NMT1: variants seen among roughly 807,000 people sequenced by gnomAD.
NMT1 encodes glycylpeptide N-tetradecanoyltransferase 1.
Under a neutral mutation model 63.4 loss-of-function variants are expected in NMT1, and 12 were observed. The observed-to-expected ratio is 0.19, with a 90% CI of 0.12 to 0.31. The LOEUF is 0.31. Ranked by LOEUF, NMT1 falls within the 10% of genes least tolerant of loss-of-function variation. The pLI is 1.00. For synonymous variants in NMT1, 228 were observed against 234.3 expected (o/e 0.97, Z 0.25); for missense variants, 432 against 634.6 (o/e 0.68, Z 3.43).
chr17:45,100,997 T>C (rs887366625), intron 8 of NMT1, among the ~76,000 whole-genome samples: 18 of 138,598 alleles, frequency 1.3e-4, no homozygotes, highest in East Asian at 2.4e-4. Context: ...CTGGCTAACA[T>C]GGTGAAACCC....
At chr17:45,091,641 T>G (rs1490629739) in intron 3 of NMT1, among the ~76,000 whole-genome samples, 1 of 152,200 alleles carries the variant, frequency 6.6e-6, no homozygotes, top group Non-Finnish European at 1.5e-5. Flanking sequence ...GCCCTCAGTT[T>G]TGTAGGCTCA....
chr17:45,085,369 G>T (rs1045226583), intron 2 of NMT1, among the ~76,000 whole-genome samples: 7 of 152,208 alleles, frequency 4.6e-5, no homozygotes, highest in African/African-American at 1.7e-4. Context: ...AGTGGACTTG[G>T]TAGAATGGGT....
At chr17:45,095,810 G>A (rs150264594) in intron 4 of NMT1, among the ~76,000 whole-genome samples, 1 of 152,100 alleles carries the variant, frequency 6.6e-6, no homozygotes, top group African/African-American at 2.4e-5. Context: ...GGGCCAGATG[G>A]TAAAAAATCA....
intron 3 of NMT1, among the ~76,000 whole-genome samples, chr17:45,092,603 G>A (rs1056805908): frequency 2.6e-5 from 4 of 151,328 alleles, no homozygotes; most frequent in Non-Finnish European, 4.4e-5. Flanking sequence ...CCAGCCACTC[G>A]GGAGTCTGAG....
Position 45,081,630 on chromosome 17 carries a change from A to C in NMT1, c.132-14A>C. On this transcript the variant is annotated splice_polypyrimidine_tract_variant and intron_variant, in intron 1 of 11. Coordinates refer to ENST00000258960, the MANE Select transcript of NMT1 (RefSeq NM_021079.5). ...TTTTTTAAACCCTGCATTAGTATTT[A>C]CTTTTTGTTACAGTGGTTTGAGTCC... The C allele has an allele frequency of 6.2e-7, 1 of 1,603,960 alleles. No individual in the cohort carries two copies.
At chr17:45,100,891 A>AG (rs2054158575) in intron 8 of NMT1, among the ~76,000 whole-genome samples, 1 of 116,270 alleles carries the variant, frequency 8.6e-6, no homozygotes, top group Admixed American at 9.0e-5. Flanking sequence ...AAAAAAAAAA[A>AG]AAAAAGAAGG....
rs559084640 is a variant in NMT1 at position 45,063,458 on chromosome 17, T to C, written c.131+1998T>C. On this transcript the variant is annotated intron_variant, in intron 1 of 11. Transcript: ENST00000258960. ...AGATGAGAGTTGGTGAATGTGAAAG[T>C]CATTCCAGAAGTGAAAGTGTGGCAT... Among the ~76,000 whole-genome samples the C allele has an allele frequency of 3.6e-4, 55 of 152,298 alleles. 1 individual carries two copies. In the South Asian group the frequency reaches 0.011, roughly 32 times the overall value.
In NMT1 at chr17:45,098,374, C is replaced by A. The variant is rs2054139922; in HGVS notation, c.714-8C>A. On this transcript the variant is annotated splice_region_variant and splice_polypyrimidine_tract_variant and intron_variant, in intron 6 of 11. Transcript: ENST00000258960. ...AAACCTTGTCACCTGGATTTTTCCC[C>A]CTCTTAGAGAGAAGAAGATGGTAGA... is the stretch of plus-strand genomic sequence containing the variant. 1 of 1,609,706 alleles carries A rather than the reference C, an allele frequency of 6.2e-7. No homozygotes were observed. The highest frequency in any genetic ancestry group is 8.5e-7 in the Non-Finnish European group (1 of 1,177,234).
rs764809965 is a variant in NMT1 at position 45,103,813 on chromosome 17, C to T, written c.1269C>T (p.Tyr423=). Residue 423 remains tyrosine (Y), a synonymous_variant, in exon 10 of 12, where the codon TAC becomes TAT. Coordinates refer to ENST00000258960, the MANE Select transcript of NMT1 (RefSeq NM_021079.5). This position sits in a 1 kb window ranked among gnomAD's most constrained non-coding sequence, Gnocchi z 4.8. Reference sequence around the variant, plus strand: ...GTCTCAAAGCTGCTTATTCTTTCTACAACGTTCACACCCAGACCCCTCTTC... The same window carrying T: ...GTCTCAAAGCTGCTTATTCTTTCTATAACGTTCACACCCAGACCCCTCTTC... The part of the protein sequence containing the change: ...HKSLKAAYSF[Y]NVHTQTPLLD... 5 of 1,614,186 alleles carry T rather than the reference C, an allele frequency of 3.1e-6. No individual in the cohort carries two copies. Among genetic ancestry groups the T allele is most frequent in the South Asian group, 2.2e-5 (2 of 91,082 alleles).
At chr17:45,089,284 C>G (rs1401427483) in intron 3 of NMT1, among the ~76,000 whole-genome samples, 1 of 152,170 alleles carries the variant, frequency 6.6e-6, no homozygotes, top group Non-Finnish European at 1.5e-5. Flanking sequence ...TACTCTCCAC[C>G]TTCTTGGGAG....
chr17:45,063,000 C>T (rs959667089), intron 1 of NMT1, among the ~76,000 whole-genome samples: 2 of 151,782 alleles, frequency 1.3e-5, no homozygotes, highest in Non-Finnish European at 2.9e-5. Context: ...GTCAGGAGAT[C>T]GAGACCATCC....
In NMT1 at chr17:45,106,077, C is replaced by T. The variant is rs796506744; in HGVS notation, c.*438C>T. ...CAGATCATTCCTCAGAATGAGGACC[C>T]GAGGACAGTGGCAGACAGACGCGTT... On this transcript the variant is annotated 3_prime_UTR_variant, in exon 12 of 12. Transcript: ENST00000258960. 13 of 152,224 alleles carry T rather than the reference C, an allele frequency of 8.5e-5. 2 individuals carry two copies. The highest frequency in any genetic ancestry group is 2.7e-4 in the African/African-American group (11 of 41,450). 9.4% of individuals were successfully genotyped at this position (152,224 alleles called of 1,614,324 possible). A position where few individuals can be genotyped will look rare whatever the true frequency, so the allele number is the denominator to read the frequency against.
intron 1 of NMT1, chr17:45,061,980 A>G (rs1201517834): frequency 1.3e-5 from 2 of 152,636 alleles, no homozygotes; most frequent in South Asian, 2.0e-4. Flanking sequence ...TTATAAACCT[A>G]TGTAATTAAC....
chr17:45,085,024 G>A (rs868725843), intron 2 of NMT1, among the ~76,000 whole-genome samples: 1 of 151,958 alleles, frequency 6.6e-6, no homozygotes, highest in South Asian at 2.1e-4. Context: ...GAGTTGGGCA[G>A]ATCGCTTGAG....
chr17:45,075,797 C>T (rs1430121328), intron 1 of NMT1, among the ~76,000 whole-genome samples: 5 of 151,992 alleles, frequency 3.3e-5, no homozygotes, highest in African/African-American at 9.7e-5. Flanking sequence ...AGGCCAGGCA[C>T]GGTGGCTTAC....
At chr17:45,090,774 T>C (rs1567868255) in intron 3 of NMT1, among the ~76,000 whole-genome samples, 1 of 152,172 alleles carries the variant, frequency 6.6e-6, no homozygotes, top group Admixed American at 6.5e-5. Flanking sequence ...TCCAGATTCT[T>C]TTAAAGCAAG....
chr17:45,090,702 G>C (rs2054082240), intron 3 of NMT1, among the ~76,000 whole-genome samples: 2 of 152,312 alleles, frequency 1.3e-5, no homozygotes, highest in South Asian at 4.1e-4. Context: ...GTCATGGAGA[G>C]AATTTTGAGG....
intron 1 of NMT1, among the ~76,000 whole-genome samples, chr17:45,075,860 A>G (rs567282580): frequency 1.3e-5 from 2 of 152,324 alleles, no homozygotes; most frequent in South Asian, 4.1e-4. Flanking sequence ...ACCTGAAGTC[A>G]GGAGTTCAAG....
Position 45,103,212 on chromosome 17 carries a change from AC to A in NMT1, c.1164+93del. 1 of 1,247,632 alleles carries A rather than the reference AC, an allele frequency of 8.0e-7. No homozygotes were observed. Among genetic ancestry groups the A allele is most frequent in the Non-Finnish European group, 1.1e-6 (1 of 878,930 alleles). 77.3% of individuals were successfully genotyped at this position (1,247,632 alleles called of 1,614,324 possible). On this transcript the variant is annotated intron_variant, in intron 9 of 11. Transcript: ENST00000258960. This position sits in a 1 kb window ranked among gnomAD's most constrained non-coding sequence, Gnocchi z 4.8. The stretch of plus-strand genomic sequence containing the variant: ...GGGTTCCCAGGGCTCGAGTGTTGGC[AC>A]CTTAGACTTCCTTGACCATCCGTGT...
Sources: gnomAD v4.1 joint callset for allele counts (sites outside exome capture counted in the v4.1 genomes callset) on GRCh38, gnomAD v4.1.1 for gene constraint, Gnocchi (gnomAD v3.1) non-coding constraint, MANE v1.5 for transcripts, NCBI Gene and HGNC (gene_info 2026-07-23, HGNC 2026-07-21) for gene names.